PTPN7: variants seen among roughly 807,000 people sequenced by gnomAD.
PTPN7 encodes the protein protein tyrosine phosphatase non-receptor type 7.
Under a neutral mutation model 50.3 loss-of-function variants are expected in PTPN7, and 33 were observed. That is an observed-to-expected ratio of 0.66 (90% CI 0.50 to 0.88). PTPN7 has a LOEUF of 0.88. Ranked by LOEUF, PTPN7 falls within the 40% of genes least tolerant of loss-of-function variation. The probability of loss-of-function intolerance (pLI) is 0.00; values close to 1 mark genes in which losing one functional copy is unlikely to be tolerated. For missense variants in PTPN7, 412 were observed against 475.4 expected (o/e 0.87, Z 1.24); for synonymous variants, 185 against 186.6 (o/e 0.99, Z 0.07).
chr1:202,152,459 C>T (rs1571742524), intron 8 of PTPN7, 83 bp downstream of exon 8: 2 of 1,489,064 alleles, frequency 1.3e-6, no homozygotes, highest in East Asian at 4.7e-5. Flanking sequence ...TGCTTTTCTG[C>T]TCAGACCCTT....
chr1:202,160,942 C>G, upstream of PTPN7: 1 of 1,431,150 alleles, frequency 7.0e-7, no homozygotes, highest in Non-Finnish European at 9.1e-7. The surrounding 1 kb of genome is among the most constrained non-coding windows in gnomAD (Gnocchi z 4.8). Flanking sequence ...ACAAAGAACC[C>G]AAGGCTCTCC....
At chr1:202,154,130 GT>G (rs1656369921) in intron 6 of PTPN7, 55 bp downstream of exon 6, 1 of 1,607,088 alleles carries the variant, frequency 6.2e-7, no homozygotes, top group Non-Finnish European at 8.5e-7. Context: ...TGGGGTGGGG[GT>G]GGGGTGGGCA....
At position 202,159,749 on chromosome 1, in the gene PTPN7, G is replaced by A. The variant is rs1284510367; in HGVS notation, c.-52-295C>T. On this transcript the variant is annotated intron_variant, in intron 1 of 9. Coordinates refer to ENST00000691036, the MANE Select transcript of PTPN7 (RefSeq NM_002832.4). The surrounding 1 kb of genome is among the most constrained non-coding windows in gnomAD (Gnocchi z 4.6). Reference sequence around the variant, plus strand: ...GAGAGGCCACACACCAGAGTACACAGGGCTCTGAGCAGGTCCAAGTGGGAG... The same window carrying A: ...GAGAGGCCACACACCAGAGTACACAAGGCTCTGAGCAGGTCCAAGTGGGAG... The A allele has an allele frequency of 3.0e-6, 4 of 1,333,658 alleles. No individual in the cohort carries two copies. The African/African-American group carries it at 4.4e-5, about 15-fold the overall frequency. 82.6% of individuals were successfully genotyped at this position (1,333,658 alleles called of 1,614,324 possible). A position where few individuals can be genotyped will look rare whatever the true frequency, so the allele number is the denominator to read the frequency against.
intron 8 of PTPN7, 54 bp from the exon 9 acceptor site, chr1:202,150,478 G>A: frequency 7.1e-7 from 1 of 1,401,842 alleles, no homozygotes; most frequent in Non-Finnish European, 9.9e-7. Context: ...GGGAATATGA[G>A]AGCCAGGCCC....
chr1:202,158,951 A>T (rs1234773805), intron 2 of PTPN7: 2 of 307,808 alleles, frequency 6.5e-6, no homozygotes, highest in Non-Finnish European at 1.2e-5. Flanking sequence ...CAGCCAGAAC[A>T]GGGCAGCCTT....
chr1:202,159,704 G>A lies in PTPN7; in HGVS notation c.-52-250C>T. On this transcript the variant is annotated intron_variant, in intron 1 of 9. Coordinates refer to ENST00000691036, the MANE Select transcript of PTPN7 (RefSeq NM_002832.4). The surrounding 1 kb of genome is among the most constrained non-coding windows in gnomAD (Gnocchi z 4.6). ...GATGAAGATAGGAAAGAATCCAGAA[G>A]GAGGAAAAGAGAGAGGGGAGAGAGG... is the stretch of plus-strand genomic sequence containing the variant. 2 of 1,365,818 alleles carry A rather than the reference G, an allele frequency of 1.5e-6. No homozygotes were observed. Among genetic ancestry groups the A allele is most frequent in the Non-Finnish European group, 9.4e-7 (1 of 1,060,316 alleles). 84.6% of individuals were successfully genotyped at this position (1,365,818 alleles called of 1,614,324 possible).
intron 6 of PTPN7, 86 bp downstream of exon 6, chr1:202,154,100 G>A: frequency 6.5e-7 from 1 of 1,545,048 alleles, no homozygotes; most frequent in Non-Finnish European, 8.8e-7. Flanking sequence ...GAAACCTCTG[G>A]TTCTGAGCTG....
chr1:202,155,923 C>G (rs1420975925), intron 4 of PTPN7, among the ~76,000 whole-genome samples: 1 of 152,142 alleles, frequency 6.6e-6, no homozygotes, highest in Non-Finnish European at 1.5e-5. Context: ...CCACACCTGG[C>G]TTGCTTATTT....
chr1:202,158,165 G>C lies in PTPN7; in HGVS notation c.259C>G (p.Leu87Val). 1 of 1,608,250 alleles carries C rather than the reference G, an allele frequency of 6.2e-7. No individual in the cohort carries two copies. The change falls in exon 3 of 10, where the codon CTT becomes GTT. Residue 87 changes from leucine (L) to valine (V), a missense_variant. Coordinates refer to ENST00000691036, the MANE Select transcript of PTPN7 (RefSeq NM_002832.4). The stretch of plus-strand genomic sequence containing the variant: ...TTGGGGCTGGGTGGCTGGCGCTGAA[G>C]GGCCCAGCGGGTAAGGGGGTGTCCA... ...TAGHPLTRWALQRQPPSPKQL... is the reference protein window; with the variant it reads ...TAGHPLTRWAVQRQPPSPKQL...
chr1:202,147,403 A>G lies in PTPN7; in HGVS notation c.*1203T>C, dbSNP rs1371788783. 2 of 151,754 alleles carry G rather than the reference A, an allele frequency of 1.3e-5. No homozygotes were observed. The highest frequency in any genetic ancestry group is 4.8e-5 in the African/African-American group (2 of 41,272). 9.4% of individuals were successfully genotyped at this position (151,754 alleles called of 1,614,324 possible). A position where few individuals can be genotyped will look rare whatever the true frequency, so the allele number is the denominator to read the frequency against. On this transcript the variant is annotated 3_prime_UTR_variant, in exon 10 of 10. Transcript: ENST00000691036. ...GAGGCCCAGCTGTTCTCCAGATCCA[A>G]CTCCTCGGGGGTTTCCACAGAGAGC...
At chr1:202,153,377 G>T (rs2147836834) in intron 7 of PTPN7, among the ~76,000 whole-genome samples, 1 of 152,224 alleles carries the variant, frequency 6.6e-6, no homozygotes, top group South Asian at 2.1e-4. Context: ...GCCCCCCTCA[G>T]CCTCCCAAAG....
At chr1:202,157,969 T>G (rs1656875611) in intron 3 of PTPN7, 146 bp from the exon 4 acceptor site, 11 of 1,223,902 alleles carry the variant, frequency 9.0e-6, no homozygotes, top group Admixed American at 4.9e-5. Context: ...AGGGGAAGCC[T>G]GGGGGCAGCC....
chr1:202,155,014 A>G (rs955912401), intron 5 of PTPN7, among the ~76,000 whole-genome samples: 2 of 152,072 alleles, frequency 1.3e-5, no homozygotes, highest in African/African-American at 2.4e-5. Flanking sequence ...GTCACTAGAG[A>G]GCGCTGCTTT....
At chr1:202,155,850 C>A (rs921070191) in intron 4 of PTPN7, among the ~76,000 whole-genome samples, 2 of 152,234 alleles carry the variant, frequency 1.3e-5, no homozygotes, top group South Asian at 2.1e-4. Flanking sequence ...ACCTCTAACT[C>A]TTGGGCTCAA....
chr1:202,148,603 G>A lies in PTPN7; in HGVS notation c.*3C>T. ...CACCTGGGCCACCGGAGGGTGGCAG[G>A]GGTCAGGGGCTGGGTTCCTCAGGCA... On this transcript the variant is annotated 3_prime_UTR_variant, in exon 10 of 10. Coordinates refer to ENST00000691036, the MANE Select transcript of PTPN7 (RefSeq NM_002832.4). 4 of 1,613,592 alleles carry A rather than the reference G, an allele frequency of 2.5e-6. No individual in the cohort carries two copies. Among genetic ancestry groups the A allele is most frequent in the Non-Finnish European group, 3.4e-6 (4 of 1,179,696 alleles).
Position 202,158,221 on chromosome 1 carries a change from C to T in PTPN7, c.203G>A (p.Arg68Gln), listed in dbSNP as rs749074735. ...VEPICSVNTPREVTLHFLRTA... is the reference protein window; with the variant it reads ...VEPICSVNTPQEVTLHFLRTA... ...GCGCAGAAAGTGTAGGGTGACCTCC[C>T]GGGGTGTGTTCACAGAGCAGATGGG... Residue 68 changes from arginine (R) to glutamine (Q), a missense_variant, in exon 3 of 10, where the codon CGG (arginine) becomes CAG (glutamine). By Grantham distance (43) the Arg-to-Gln change is conservative. Transcript: ENST00000691036. The T allele has an allele frequency of 1.1e-5, 17 of 1,613,970 alleles. No individual in the cohort carries two copies. The highest frequency in any genetic ancestry group is 1.0e-4 in the Admixed American group (6 of 60,004).
Position 202,158,225 on chromosome 1 carries a change from G to A in PTPN7, c.199C>T (p.Pro67Ser). ...AGAAAGTGTAGGGTGACCTCCCGGG[G>A]TGTGTTCACAGAGCAGATGGGTTCT... ...AVEPICSVNT[P>S]REVTLHFLRT... The change falls in exon 3 of 10, where the codon CCC becomes TCC. Residue 67 changes from proline to serine, a missense_variant. By Grantham distance (74) the Pro-to-Ser change is moderately conservative. Transcript: ENST00000691036. The A allele has an allele frequency of 6.2e-7, 1 of 1,614,130 alleles. No individual in the cohort carries two copies. Among genetic ancestry groups the A allele is most frequent in the African/African-American group, 1.3e-5 (1 of 75,026 alleles).
chr1:202,157,433 C>T (rs970099047), intron 4 of PTPN7, among the ~76,000 whole-genome samples: 39 of 152,034 alleles, frequency 2.6e-4, no homozygotes, highest in South Asian at 1.9e-3. Flanking sequence ...CGCTTGAACC[C>T]GGGAGGCGGA....
intron 5 of PTPN7, among the ~76,000 whole-genome samples, chr1:202,155,053 G>A (rs1037550459): frequency 3.3e-5 from 5 of 152,212 alleles, no homozygotes; most frequent in Non-Finnish European, 4.4e-5. Flanking sequence ...ACAGCAGCGA[G>A]AAGCTGGCGT....
Sources: gnomAD v4.1 joint callset for allele counts (sites outside exome capture counted in the v4.1 genomes callset) on GRCh38, gnomAD v4.1.1 for gene constraint, Gnocchi (gnomAD v3.1) non-coding constraint, MANE v1.5 for transcripts, NCBI Gene and HGNC (gene_info 2026-07-23, HGNC 2026-07-21) for gene names.